Variants in CLPX observed in about 807,000 individuals in gnomAD.
CLPX encodes the protein caseinolytic mitochondrial matrix peptidase chaperone subunit X, also known as ATP-dependent clpX-like chaperone, mitochondrial.
CLPX carries 34 observed loss-of-function variants against 76.4 expected under a neutral mutation model. That is an observed-to-expected ratio of 0.45 (90% confidence interval 0.34 to 0.59). The LOEUF is 0.59. CLPX is among the 20% of genes least tolerant of loss of function. The probability of loss-of-function intolerance (pLI) is 0.01; values close to 1 mark genes in which losing one functional copy is unlikely to be tolerated. For missense variants in CLPX, 613 were observed against 757.0 expected (o/e 0.81, Z 2.23); for synonymous variants, 248 against 270.9 (o/e 0.92, Z 0.83).
intron 3 of CLPX, among the ~76,000 whole-genome samples, chr15:65,170,822 C>CTTTTTTT (rs749248279): frequency 3.4e-5 from 4 of 118,578 alleles, no homozygotes; most frequent in East Asian, 2.7e-4. Flanking sequence ...TTCTGTTCTT[C>CTTTTTTT]TTTTTTTTTT....
At chr15:65,152,712 T>C (rs1404957946) in intron 12 of CLPX, among the ~76,000 whole-genome samples, 176 bp from the exon 13 acceptor site, 1 of 149,506 alleles carries the variant, frequency 6.7e-6, no homozygotes, top group Non-Finnish European at 1.5e-5. Flanking sequence ...TATATATATA[T>C]ATTTGGGATT....
chr15:65,156,099 G>A (rs891611564), intron 9 of CLPX, among the ~76,000 whole-genome samples: 2 of 152,170 alleles, frequency 1.3e-5, no homozygotes, highest in East Asian at 1.9e-4. Context: ...CAGTCAACCT[G>A]AGAGGTTGTT....
At chr15:65,184,339 C>A (rs910150215) in intron 1 of CLPX, 1 of 152,218 alleles carries the variant, frequency 6.6e-6, no homozygotes, top group Non-Finnish European at 1.5e-5. Context: ...AAAAGGTAAA[C>A]AACATGCGCC....
At chr15:65,162,263 A>G (rs1327732760) in intron 6 of CLPX, among the ~76,000 whole-genome samples, 2 of 152,168 alleles carry the variant, frequency 1.3e-5, no homozygotes, top group East Asian at 3.8e-4. Flanking sequence ...CATAAATACA[A>G]AAAAAACCAA....
intron 1 of CLPX, among the ~76,000 whole-genome samples, chr15:65,183,812 T>C (rs2088215283): frequency 6.6e-6 from 1 of 152,316 alleles, no homozygotes; most frequent in South Asian, 2.1e-4. Context: ...TGAGGACTTA[T>C]TCACCACTCT....
chr15:65,159,187 C>T (rs1239137768), intron 6 of CLPX, among the ~76,000 whole-genome samples: 1 of 152,142 alleles, frequency 6.6e-6, no homozygotes, highest in Non-Finnish European at 1.5e-5. Context: ...ATATGATACA[C>T]CTTACTATCT....
chr15:65,158,404 C>G (rs1422098140), intron 7 of CLPX, 171 bp downstream of exon 7: 2 of 535,022 alleles, frequency 3.7e-6, no homozygotes, highest in Non-Finnish European at 6.4e-6. Context: ...AACACCAATG[C>G]CTCAAATCCA....
intron 3 of CLPX, among the ~76,000 whole-genome samples, chr15:65,169,391 T>C (rs149794015): frequency 6.6e-6 from 1 of 152,268 alleles, no homozygotes; most frequent in African/African-American, 2.4e-5. Context: ...CGTGACCCAC[T>C]GAGGCCAGCC....
At chr15:65,155,380 G>T (rs2087775108) in intron 10 of CLPX, among the ~76,000 whole-genome samples, 1 of 152,118 alleles carries the variant, frequency 6.6e-6, no homozygotes, top group Admixed American at 6.5e-5. Flanking sequence ...CTCCCGAGTA[G>T]CTGGGATTAC....
At chr15:65,163,247 GT>G (rs539456811) in intron 5 of CLPX, among the ~76,000 whole-genome samples, 299 of 152,190 alleles carry the variant, frequency 2.0e-3, no homozygotes, top group Non-Finnish European at 3.3e-3. Context: ...TCATCCGTTA[GT>G]TATGACTTAT....
intron 6 of CLPX, among the ~76,000 whole-genome samples, chr15:65,160,639 AC>A: frequency 1.3e-5 from 2 of 151,546 alleles, no homozygotes; most frequent in African/African-American, 2.4e-5. Context: ...ACACACACAC[AC>A]ACACACACAC....
At chr15:65,151,169 A>G (rs1235230907) in intron 13 of CLPX, among the ~76,000 whole-genome samples, 5 of 151,702 alleles carry the variant, frequency 3.3e-5, no homozygotes, top group Non-Finnish European at 7.4e-5. Flanking sequence ...ACATGTTGAA[A>G]CCCCATCTCT....
intron 4 of CLPX, among the ~76,000 whole-genome samples, chr15:65,166,144 C>A (rs142375041): frequency 1.3e-5 from 2 of 152,176 alleles, no homozygotes; most frequent in African/African-American, 4.8e-5. Flanking sequence ...CAGTGCTATA[C>A]GGAGCAGCCC....
At chr15:65,162,525 A>T in intron 6 of CLPX, 79 bp downstream of exon 6, 1 of 906,656 alleles carries the variant, frequency 1.1e-6, no homozygotes, top group Non-Finnish European at 1.8e-6. Context: ...CATGTCTATC[A>T]CTGTTACTGC....
chr15:65,157,671 A>G lies in CLPX; in HGVS notation c.1057+75T>C, dbSNP rs900808306. 24 of 1,339,648 alleles carry G rather than the reference A, an allele frequency of 1.8e-5. No individual in the cohort carries two copies. The African/African-American group carries it at 3.6e-4, about 20-fold the overall frequency. 83.0% of individuals were successfully genotyped at this position (1,339,648 alleles called of 1,614,324 possible). A position where few individuals can be genotyped will look rare whatever the true frequency, so the allele number is the denominator to read the frequency against. The stretch of plus-strand genomic sequence containing the variant: ...ATTTTAGTCCTTGACTCAAAACAAG[A>G]ATTATATTGTCTCTTAATATTAGAC... On this transcript the variant is annotated intron_variant, in intron 8 of 13. Transcript: ENST00000300107.
At chr15:65,184,650 TG>T (rs1004240594) in intron 1 of CLPX, among the ~76,000 whole-genome samples, 1 of 152,200 alleles carries the variant, frequency 6.6e-6, no homozygotes, top group Non-Finnish European at 1.5e-5. Flanking sequence ...GAGCCCCTCC[TG>T]GAGCCCCCAA....
rs1315742703 is a variant in CLPX, at chr15:65,183,193, T to C, written c.79+1882A>G. ...ACACACAAAAAGAGGCCAGGCGCGG[T>C]GGCTCACGCCTGTAATCCCAGCACT... On this transcript the variant is annotated intron_variant, in intron 1 of 13. Transcript: ENST00000300107. Among the ~76,000 whole-genome samples, 3 of 151,116 alleles carry C rather than the reference T, an allele frequency of 2.0e-5. No homozygotes were observed. In the East Asian group the frequency reaches 5.8e-4, roughly 29 times the overall value.
Position 65,154,845 on chromosome 15 carries a change from T to C in CLPX, c.1548A>G (p.Gln516=), listed in dbSNP as rs1038551310. 25 of 1,614,140 alleles carry C rather than the reference T, an allele frequency of 1.5e-5. No homozygotes were observed. Among genetic ancestry groups the C allele is most frequent in the East Asian group, 2.2e-5 (1 of 44,896 alleles). ...LHSLDEKTLV[Q]ILTEPRNAVI... Reference sequence around the variant, plus strand: ...CAGCATTTCGTGGCTCAGTTAATATTTGTACAAGTGTTTTCTCATCTAGGC... The same window carrying C: ...CAGCATTTCGTGGCTCAGTTAATATCTGTACAAGTGTTTTCTCATCTAGGC... Residue 516 remains glutamine, a synonymous_variant, in exon 11 of 14, where the codon CAA becomes CAG. Transcript: ENST00000300107.
chr15:65,166,837 G>A (rs751326600), intron 3 of CLPX, 52 bp from the exon 4 acceptor site: 26 of 1,551,584 alleles, frequency 1.7e-5, no homozygotes, highest in Non-Finnish European at 2.1e-5. Flanking sequence ...AATTCCAATA[G>A]TGTTTAACCT....
Sources: gnomAD v4.1 joint callset for allele counts (sites outside exome capture counted in the v4.1 genomes callset) on GRCh38, gnomAD v4.1.1 for gene constraint, MANE v1.5 for transcripts, NCBI Gene and HGNC (gene_info 2026-07-23, HGNC 2026-07-21) for gene names.